The following SLC16A10 variants were observed in gnomAD, a reference collection of about 807,000 sequenced individuals.
SLC16A10 encodes solute carrier family 16 member 10.
SLC16A10 carries 27 observed loss-of-function variants against 40.0 expected under a neutral mutation model. The observed-to-expected ratio is 0.67, with a 90% CI of 0.50 to 0.93. The LOEUF is 0.93. Ranked by LOEUF, SLC16A10 falls within the 40% of genes least tolerant of loss-of-function variation. The pLI is 0.00. For synonymous variants in SLC16A10, 213 were observed against 249.8 expected, an observed-to-expected ratio of 0.85 and a Z score of 1.39; for missense variants, 529 against 658.2, an observed-to-expected ratio of 0.80 and a Z score of 2.15.
At chr6:111,219,263 A>G (rs537710579) in intron 5 of SLC16A10, among the ~76,000 whole-genome samples, 39 of 152,210 alleles carry the variant, frequency 2.6e-4, no homozygotes, top group African/African-American at 9.4e-4. Flanking sequence ...CAGCTAAAAC[A>G]CTATATAAAA....
chr6:111,095,845 T>A (rs369183771), intron 1 of SLC16A10, among the ~76,000 whole-genome samples: 65 of 152,344 alleles, frequency 4.3e-4, no homozygotes, highest in African/African-American at 1.5e-3. Flanking sequence ...CATGTGGAAC[T>A]GTGAGTCCAT....
At chr6:111,110,963 A>C (rs1445883119) in intron 1 of SLC16A10, among the ~76,000 whole-genome samples, 1 of 152,156 alleles carries the variant, frequency 6.6e-6, no homozygotes, top group Non-Finnish European at 1.5e-5. Flanking sequence ...GACAAAACAT[A>C]TATAGCATAA....
In SLC16A10 at chr6:111,199,827, T is replaced by TAAAA. The variant is rs35253168; in HGVS notation, c.943-6756_943-6753dup. On this transcript the variant is annotated intron_variant, in intron 3 of 5. Transcript: ENST00000368851. ...GTTTTGTTTGTAATCCAGGGAAATTTAAAAAAAAAAAACAAGTAGAAATAA... is the reference window on the plus strand; with the variant it reads ...GTTTTGTTTGTAATCCAGGGAAATTTAAAAAAAAAAAAAAAACAAGTAGAAATAA... 2.3e-3 allele frequency among the ~76,000 whole-genome samples: 345 copies of TAAAA among 148,920 alleles called. 1 individual carries two copies. The highest frequency in any genetic ancestry group is 7.5e-3 in the African/African-American group (304 of 40,576).
At chr6:111,089,923 T>TG (rs1770943880) in intron 1 of SLC16A10, among the ~76,000 whole-genome samples, 4 of 109,944 alleles carry the variant, frequency 3.6e-5, no homozygotes, top group East Asian at 2.5e-4. Flanking sequence ...TTTTTTTTTT[T>TG]TTTTTTTTTT....
At chr6:111,093,118 C>G (rs1269357963) in intron 1 of SLC16A10, among the ~76,000 whole-genome samples, 5 of 151,708 alleles carry the variant, frequency 3.3e-5, no homozygotes, top group Admixed American at 3.3e-4. Flanking sequence ...ACTGGAAAAC[C>G]CATGGAACTA....
chr6:111,213,946 A>G (rs573168941), intron 4 of SLC16A10, among the ~76,000 whole-genome samples: 94 of 152,330 alleles, frequency 6.2e-4, no homozygotes, highest in African/African-American at 2.1e-3. Flanking sequence ...CGTCAATTAC[A>G]TGTCTATCTC....
intron 4 of SLC16A10, among the ~76,000 whole-genome samples, chr6:111,207,086 C>T (rs1773267722): frequency 6.6e-6 from 1 of 152,176 alleles, no homozygotes; most frequent in Non-Finnish European, 1.5e-5. Context: ...CCGCCTCGGC[C>T]TCCCAAAGTG....
At chr6:111,128,904 TATTC>T (rs1408346256) in intron 1 of SLC16A10, among the ~76,000 whole-genome samples, 1 of 151,978 alleles carries the variant, frequency 6.6e-6, no homozygotes, top group African/African-American at 2.4e-5. Context: ...ACAATTTTCA[TATTC>T]ATTTCAATTG....
chr6:111,209,160 A>T (rs1020152928), intron 4 of SLC16A10, among the ~76,000 whole-genome samples: 1 of 152,170 alleles, frequency 6.6e-6, no homozygotes, highest in Admixed American at 6.5e-5. Flanking sequence ...GAGTATGGTC[A>T]TGCCACTGTA....
At chr6:111,114,868 C>CTATTTATTTT (rs751391382) in intron 1 of SLC16A10, among the ~76,000 whole-genome samples, 1 of 152,036 alleles carries the variant, frequency 6.6e-6, no homozygotes, top group Non-Finnish European at 1.5e-5. Flanking sequence ...GGTACGTTAT[C>CTATTTATTTT]TATTTATTTT....
Position 111,087,843 on chromosome 6 carries a change from C to G in SLC16A10, c.91C>G (p.Pro31Ala). The change falls in exon 1 of 6, where the codon CCC (proline) becomes GCC (alanine). Residue 31 changes from proline to alanine, a missense_variant. Coordinates refer to ENST00000368851, the MANE Select transcript of SLC16A10 (RefSeq NM_018593.5). ...CGCGCCCACGGGGGCCGCTCCGCCG[C>G]CCGGCCCGGGACCCTCGGACAGCCC... Reference protein sequence around the residue: ...GPAPTGAAPPPGPGPSDSPEA... With the variant: ...GPAPTGAAPPAGPGPSDSPEA... 7.3e-7 allele frequency: 1 copy of G among 1,371,356 alleles called. No homozygotes were observed. Among genetic ancestry groups the G allele is most frequent in the Non-Finnish European group, 9.3e-7 (1 of 1,069,638 alleles). 84.9% of individuals were successfully genotyped at this position (1,371,356 alleles called of 1,614,324 possible). A position where few individuals can be genotyped will look rare whatever the true frequency, so the allele number is the denominator to read the frequency against.
intron 1 of SLC16A10, among the ~76,000 whole-genome samples, chr6:111,132,646 G>T (rs979633109): frequency 3.3e-5 from 5 of 152,108 alleles, no homozygotes; most frequent in African/African-American, 1.2e-4. Context: ...TAAAATATGG[G>T]GCTCTTCTGT....
chr6:111,207,880 T>C (rs1583363162), intron 4 of SLC16A10, among the ~76,000 whole-genome samples: 1 of 151,958 alleles, frequency 6.6e-6, no homozygotes, highest in Non-Finnish European at 1.5e-5. Context: ...GGAAGGGCGG[T>C]TATGTACATG....
chr6:111,090,711 G>A (rs1015713373), intron 1 of SLC16A10, among the ~76,000 whole-genome samples: 1 of 152,184 alleles, frequency 6.6e-6, no homozygotes, highest in Admixed American at 6.5e-5. Flanking sequence ...CTGCTTTGAA[G>A]TTTGATTGGT....
At chr6:111,194,945 C>T (rs1034776523) in intron 3 of SLC16A10, among the ~76,000 whole-genome samples, 11 of 152,118 alleles carry the variant, frequency 7.2e-5, no homozygotes, top group African/African-American at 2.7e-4. Flanking sequence ...CACCTAATGT[C>T]CCCACCACCC....
chr6:111,172,260 A>G (rs748074779), intron 1 of SLC16A10, among the ~76,000 whole-genome samples: 7 of 152,108 alleles, frequency 4.6e-5, no homozygotes, highest in Non-Finnish European at 7.4e-5. Context: ...CCATTAGTTT[A>G]TTATATATTT....
intron 1 of SLC16A10, among the ~76,000 whole-genome samples, chr6:111,116,911 C>T (rs890823748): frequency 6.6e-6 from 1 of 152,162 alleles, no homozygotes; most frequent in Admixed American, 6.5e-5. Context: ...AAAGTAGTGC[C>T]CCCTTTGAAG....
chr6:111,218,692 A>G (rs1475730112), intron 4 of SLC16A10, 122 bp from the exon 5 acceptor site: 5 of 752,302 alleles, frequency 6.6e-6, no homozygotes, highest in Non-Finnish European at 1.2e-5. Context: ...ATCAAAGTGA[A>G]TGAGGCAGTG....
In SLC16A10 at chr6:111,228,980, G is replaced by A. The variant is rs1771057758; in HGVS notation, c.*6745G>A. The stretch of plus-strand genomic sequence containing the variant: ...GGAGGTGGAGGTTGCAGTGAGCCAA[G>A]ATTGCACCATAGCACTCCAGCCTGG... On this transcript the variant is annotated 3_prime_UTR_variant, in exon 6 of 6. Coordinates refer to ENST00000368851, the MANE Select transcript of SLC16A10 (RefSeq NM_018593.5). 7.3e-6 allele frequency: 1 copy of A among 136,696 alleles called. No individual in the cohort carries two copies. Among genetic ancestry groups the A allele is most frequent in the South Asian group, 2.3e-4 (1 of 4,398 alleles). The allele number at this position is 136,696 out of a possible 1,614,324, so 8.5% of individuals were successfully genotyped here. A position where few individuals can be genotyped will look rare whatever the true frequency, so the allele number is the denominator to read the frequency against.
Sources: allele counts gnomAD v4.1 joint callset (sites outside exome capture counted in the v4.1 genomes callset), GRCh38; gene constraint gnomAD v4.1.1; transcripts MANE v1.5; gene names NCBI Gene and HGNC (gene_info 2026-07-23, HGNC 2026-07-21).